The following MEGF11 variants were observed in gnomAD, a reference collection of about 807,000 sequenced individuals.
The protein encoded by MEGF11 is multiple EGF like domains 11.
Under a neutral mutation model 146.6 loss-of-function variants are expected in MEGF11, and 126 were observed. The ratio of observed to expected loss-of-function variants is 0.86; its 90% confidence interval spans 0.74 to 1.00. The LOEUF (loss-of-function observed/expected upper bound fraction) is 1.00. Among genes scored for constraint, MEGF11 ranks in the 50% least tolerant of loss-of-function variants. The pLI is 0.00. For missense variants in MEGF11, 1,509 were observed against 1,521.2 expected (o/e 0.99, Z 0.13); for synonymous variants, 532 against 583.4 (o/e 0.91, Z 1.27).
intron 1 of MEGF11, among the ~76,000 whole-genome samples, chr15:66,215,291 T>C (rs1380109589): frequency 3.3e-5 from 5 of 151,948 alleles, no homozygotes; most frequent in Admixed American, 3.3e-4. Flanking sequence ...GTGAGCCCAG[T>C]GCAAGGAGTG....
intron 5 of MEGF11, among the ~76,000 whole-genome samples, chr15:66,079,543 C>CCA (rs1555468269): frequency 6.9e-6 from 1 of 145,210 alleles, no homozygotes; most frequent in Non-Finnish European, 1.5e-5. Context: ...TCACACCCCC[C>CCA]CCCCCAGCAC....
intron 5 of MEGF11, among the ~76,000 whole-genome samples, chr15:66,021,171 G>A (rs1205018819): frequency 2.0e-5 from 3 of 152,186 alleles, no homozygotes; most frequent in Non-Finnish European, 4.4e-5. Context: ...CGCTTGGGGA[G>A]CCCACCCCTA....
At chr15:65,927,817 CG>C (rs1240398012) in intron 13 of MEGF11, among the ~76,000 whole-genome samples, 2 of 152,272 alleles carry the variant, frequency 1.3e-5, no homozygotes, top group African/African-American at 4.8e-5. Flanking sequence ...AGCCAGATCC[CG>C]TGGGCCCTGG....
chr15:65,930,058 T>C (rs1395624078), intron 11 of MEGF11, among the ~76,000 whole-genome samples, 175 bp from the exon 12 acceptor site: 3 of 152,186 alleles, frequency 2.0e-5, no homozygotes, highest in Admixed American at 6.5e-5. Flanking sequence ...TTAGGAGAGC[T>C]GGGGCTAGAA....
At chr15:66,147,128 T>C (rs2089402688) in intron 1 of MEGF11, among the ~76,000 whole-genome samples, 1 of 152,172 alleles carries the variant, frequency 6.6e-6, no homozygotes, top group Non-Finnish European at 1.5e-5. Context: ...GCCTCAGGCA[T>C]GTCACATGCT....
chr15:65,941,044 T>C (rs2079972451), intron 10 of MEGF11, among the ~76,000 whole-genome samples: 1 of 152,230 alleles, frequency 6.6e-6, no homozygotes, highest in African/African-American at 2.4e-5. Context: ...ATATGTGATA[T>C]GGCTCTGACA....
intron 5 of MEGF11, among the ~76,000 whole-genome samples, chr15:66,030,893 G>A (rs1251883739): frequency 6.6e-6 from 1 of 152,212 alleles, no homozygotes; most frequent in Non-Finnish European, 1.5e-5. Flanking sequence ...GGCTTGGTCT[G>A]AGGATTCAAC....
intron 1 of MEGF11, among the ~76,000 whole-genome samples, chr15:66,164,547 A>G (rs2090046992): frequency 6.6e-6 from 1 of 152,140 alleles, no homozygotes; most frequent in Admixed American, 6.5e-5. Flanking sequence ...AATGGGGACA[A>G]TAATCCTGTC....
intron 1 of MEGF11, among the ~76,000 whole-genome samples, chr15:66,144,598 C>T (rs895780146): frequency 2.0e-5 from 3 of 152,216 alleles, no homozygotes; most frequent in Non-Finnish European, 2.9e-5. Flanking sequence ...CGACATCACT[C>T]TAACAGGAAT....
chr15:66,152,026 C>G (rs1218889577), intron 1 of MEGF11, among the ~76,000 whole-genome samples: 1 of 152,256 alleles, frequency 6.6e-6, no homozygotes, highest in Non-Finnish European at 1.5e-5. Flanking sequence ...CTGCCCAGCT[C>G]CAGGTTCCAA....
chr15:66,181,466 T>C (rs1217298293), intron 1 of MEGF11, among the ~76,000 whole-genome samples: 1 of 152,200 alleles, frequency 6.6e-6, no homozygotes, highest in Admixed American at 6.5e-5. Flanking sequence ...GGCAGAAATT[T>C]GCCAGCTTTT....
intron 1 of MEGF11, among the ~76,000 whole-genome samples, chr15:66,130,693 G>A (rs1455092998): frequency 7.4e-6 from 1 of 134,618 alleles, no homozygotes; most frequent in Non-Finnish European, 1.6e-5. Flanking sequence ...GGAAAGGAAG[G>A]GAGAGGGGAA....
chr15:66,005,420 T>C (rs958279228), intron 5 of MEGF11, among the ~76,000 whole-genome samples: 22 of 152,172 alleles, frequency 1.4e-4, no homozygotes, highest in African/African-American at 4.8e-4. Context: ...AACATGCTTG[T>C]GAAAACACTT....
chr15:66,060,204 G>C (rs767955160), intron 5 of MEGF11, among the ~76,000 whole-genome samples: 4 of 152,094 alleles, frequency 2.6e-5, no homozygotes, highest in Non-Finnish European at 1.5e-5. Flanking sequence ...GGGATGGAGG[G>C]GGAAAGAGAA....
intron 1 of MEGF11, among the ~76,000 whole-genome samples, chr15:66,156,068 G>GA (rs2089745692): frequency 6.6e-6 from 1 of 152,134 alleles, no homozygotes; most frequent in Non-Finnish European, 1.5e-5. Flanking sequence ...GGGTCTCGAT[G>GA]GCCACACCTG....
At chr15:66,234,467 G>A (rs985153585) in intron 1 of MEGF11, among the ~76,000 whole-genome samples, 1 of 152,202 alleles carries the variant, frequency 6.6e-6, no homozygotes, top group Non-Finnish European at 1.5e-5. Flanking sequence ...GTATCTATAC[G>A]CAACGCTGAA....
intron 5 of MEGF11, among the ~76,000 whole-genome samples, chr15:66,024,207 T>A (rs561162427): frequency 6.6e-6 from 1 of 152,364 alleles, no homozygotes; most frequent in African/African-American, 2.4e-5. Context: ...CACAAAGGCC[T>A]CCATTTAGAG....
chr15:65,904,254 C>A (rs2078565944), intron 24 of MEGF11, among the ~76,000 whole-genome samples: 2 of 152,158 alleles, frequency 1.3e-5, no homozygotes, highest in Admixed American at 6.5e-5. Flanking sequence ...CTGCCCAATC[C>A]TTATACCTTT....
intron 1 of MEGF11, among the ~76,000 whole-genome samples, chr15:66,156,626 C>T (rs147032236): frequency 4.9e-4 from 74 of 152,128 alleles, no homozygotes; most frequent in African/African-American, 1.4e-3. Context: ...GGTTTGGAGC[C>T]TTCTTTCCTC....
Sources: gnomAD v4.1 joint callset for allele counts (sites outside exome capture counted in the v4.1 genomes callset) on GRCh38, gnomAD v4.1.1 for gene constraint, MANE v1.5 for transcripts, NCBI Gene and HGNC (gene_info 2026-07-23, HGNC 2026-07-21) for gene names.